Variants in RFC3 observed in about 807,000 individuals in gnomAD.
The protein encoded by RFC3 is replication factor C subunit 3.
RFC3 carries 41 observed loss-of-function variants against 45.1 expected under a neutral mutation model. The observed-to-expected ratio is 0.91, with a 90% CI of 0.71 to 1.18. The LOEUF is 1.18. RFC3 is among the 50% of genes most tolerant of loss of function. The probability of loss-of-function intolerance (pLI) is 0.00; values close to 1 mark genes in which losing one functional copy is unlikely to be tolerated. For synonymous variants in RFC3, 149 were observed against 144.0 expected, an observed-to-expected ratio of 1.03 and a Z score of -0.25; for missense variants, 423 against 428.1, an observed-to-expected ratio of 0.99 and a Z score of 0.10.
intron 8 of RFC3, among the ~76,000 whole-genome samples, chr13:33,911,464 C>T (rs969165111): frequency 6.6e-6 from 1 of 151,972 alleles, no homozygotes; most frequent in Admixed American, 6.6e-5. Flanking sequence ...CGTCTTAATC[C>T]ATTTTGTGTT....
chr13:33,923,547 T>C (rs1390814535), intron 8 of RFC3, among the ~76,000 whole-genome samples: 1 of 152,060 alleles, frequency 6.6e-6, no homozygotes, highest in Non-Finnish European at 1.5e-5. Flanking sequence ...ACTTGCAGGA[T>C]TGAATGAAGA....
intron 8 of RFC3, among the ~76,000 whole-genome samples, chr13:33,909,159 A>T (rs1449386721): frequency 6.7e-6 from 1 of 149,742 alleles, no homozygotes; most frequent in Non-Finnish European, 1.5e-5. Flanking sequence ...TGTAATATAC[A>T]TTTTTTTTTT....
intron 8 of RFC3, 124 bp from the exon 9 acceptor site, chr13:33,835,980 A>C (rs1566386614): frequency 8.6e-6 from 9 of 1,043,556 alleles, no homozygotes; most frequent in Non-Finnish European, 1.2e-5. Context: ...TCACATAAAA[A>C]ATTAAAGATC....
intron 8 of RFC3, among the ~76,000 whole-genome samples, chr13:33,950,192 T>C (rs897729348): frequency 1.3e-5 from 2 of 152,124 alleles, no homozygotes; most frequent in Non-Finnish European, 2.9e-5. Flanking sequence ...TCATGTACTT[T>C]GAGTTTAGAT....
At chr13:33,855,606 A>T (rs1457518823) in intron 8 of RFC3, among the ~76,000 whole-genome samples, 1 of 152,166 alleles carries the variant, frequency 6.6e-6, no homozygotes, top group Non-Finnish European at 1.5e-5. Flanking sequence ...GTGTATAAGC[A>T]TTCCCTTTTC....
At chr13:33,971,782 T>C in the RFC3 span, among the ~76,000 whole-genome samples, 2 of 152,228 alleles carry the variant, frequency 1.3e-5, no homozygotes, top group African/African-American at 4.8e-5. Context: ...ATATGTCTCT[T>C]TAATAGTTAT....
intron 8 of RFC3, among the ~76,000 whole-genome samples, chr13:33,910,865 G>T (rs547883207): frequency 2.6e-5 from 4 of 152,076 alleles, no homozygotes; most frequent in Admixed American, 2.6e-4. Context: ...GAAGGCAAAG[G>T]GGGAGCAGAG....
At chr13:33,955,903 A>G (rs369677030) in intron 8 of RFC3, among the ~76,000 whole-genome samples, 1 of 152,216 alleles carries the variant, frequency 6.6e-6, no homozygotes, top group African/African-American at 2.4e-5. Flanking sequence ...CACTGCCCCA[A>G]CTTTTCCAAA....
chr13:33,917,423 A>G (rs1374465689), intron 8 of RFC3, among the ~76,000 whole-genome samples: 1 of 152,160 alleles, frequency 6.6e-6, no homozygotes, highest in Non-Finnish European at 1.5e-5. Flanking sequence ...ATTGCAGCAC[A>G]CGCTGCTGTT....
chr13:33,830,088 A>G (rs376830900), intron 5 of RFC3, 71 bp downstream of exon 5: 1 of 1,365,470 alleles, frequency 7.3e-7, no homozygotes, highest in African/African-American at 1.4e-5. Flanking sequence ...CTTGTTGTAA[A>G]AGAAGGGAAT....
intron 8 of RFC3, among the ~76,000 whole-genome samples, chr13:33,926,025 G>A (rs1043167296): frequency 6.6e-6 from 1 of 151,876 alleles, no homozygotes; most frequent in South Asian, 2.1e-4. Context: ...ATACTATGCA[G>A]CCATAAAAAA....
intron 8 of RFC3, among the ~76,000 whole-genome samples, chr13:33,916,624 G>A (rs2082735015): frequency 6.6e-6 from 1 of 152,166 alleles, no homozygotes; most frequent in African/African-American, 2.4e-5. Context: ...CTCACAGGGA[G>A]CAGCTGCACA....
the RFC3 span, among the ~76,000 whole-genome samples, chr13:33,973,598 C>T: frequency 2.1e-5 from 3 of 145,882 alleles, no homozygotes; most frequent in Non-Finnish European, 4.5e-5. Flanking sequence ...TCAACTCCTT[C>T]TCCTTCTCCT....
chr13:33,917,673 C>T (rs2082741770), intron 8 of RFC3, among the ~76,000 whole-genome samples: 1 of 152,084 alleles, frequency 6.6e-6, no homozygotes, highest in Admixed American at 6.6e-5. Flanking sequence ...TTGACCTTTT[C>T]ATGACTGTAA....
At chr13:33,922,598 C>G (rs115150297) in intron 8 of RFC3, among the ~76,000 whole-genome samples, 7 of 152,002 alleles carry the variant, frequency 4.6e-5, no homozygotes, top group African/African-American at 1.7e-4. Flanking sequence ...GGTACTTATT[C>G]AAATAAATAA....
chr13:33,860,012 G>A (rs1593644866), intron 8 of RFC3, among the ~76,000 whole-genome samples: 1 of 152,160 alleles, frequency 6.6e-6, no homozygotes, highest in South Asian at 2.1e-4. Flanking sequence ...ATGAGGAAGA[G>A]ACACCAGGGG....
chr13:33,906,981 A>G (rs1566023816), intron 8 of RFC3, among the ~76,000 whole-genome samples: 1 of 152,016 alleles, frequency 6.6e-6, no homozygotes, highest in Non-Finnish European at 1.5e-5. Flanking sequence ...AATGCATGCT[A>G]CCATGCGTGG....
intron 8 of RFC3, among the ~76,000 whole-genome samples, chr13:33,953,484 A>C (rs575012287): frequency 3.7e-4 from 56 of 152,232 alleles, no homozygotes; most frequent in Non-Finnish European, 7.1e-4. Flanking sequence ...GAGTAGAAAA[A>C]TCTTTTAAAT....
At chr13:33,876,011 C>T (rs752164787) in intron 8 of RFC3, among the ~76,000 whole-genome samples, 5 of 152,136 alleles carry the variant, frequency 3.3e-5, no homozygotes, top group Non-Finnish European at 5.9e-5. Context: ...TTTTGATTAT[C>T]CTAAGCGTTA....
Sources: allele counts gnomAD v4.1 joint callset (sites outside exome capture counted in the v4.1 genomes callset), GRCh38; gene constraint gnomAD v4.1.1; transcripts MANE v1.5; gene names NCBI Gene and HGNC (gene_info 2026-07-23, HGNC 2026-07-21).